The following KAZN variants were observed in gnomAD, a reference collection of about 807,000 sequenced individuals.
KAZN encodes kazrin.
KAZN carries 40 observed loss-of-function variants against 87.4 expected under a neutral mutation model. The observed-to-expected ratio is 0.46, with a 90% confidence interval of 0.36 to 0.60. The LOEUF (loss-of-function observed/expected upper bound fraction) is 0.60. KAZN is among the 20% of genes least tolerant of loss of function. KAZN has a pLI of 0.00. For missense variants in KAZN, 898 were observed against 1,073.9 expected (o/e 0.84, Z 2.29); for synonymous variants, 466 against 458.3 (o/e 1.02, Z -0.22).
At chr1:15,011,909 C>T (rs72639823) in intron 2 of KAZN, among the ~76,000 whole-genome samples, 1 of 152,038 alleles carries the variant, frequency 6.6e-6, no homozygotes, top group Non-Finnish European at 1.5e-5. Context: ...TCCAGAGCCT[C>T]CAAGCCCCCT....
intron 2 of KAZN, among the ~76,000 whole-genome samples, chr1:14,511,143 G>A (rs369694293): frequency 6.6e-6 from 1 of 152,094 alleles, no homozygotes; most frequent in East Asian, 1.9e-4. Flanking sequence ...TATGTTGCAT[G>A]TGATATTCAT....
intron 2 of KAZN, among the ~76,000 whole-genome samples, chr1:14,524,249 T>TGA (rs1671747617): frequency 6.6e-6 from 1 of 152,120 alleles, no homozygotes; most frequent in South Asian, 2.1e-4. Flanking sequence ...CTCAAACTCC[T>TGA]GACCTCAAGT....
At chr1:14,225,735 G>T (rs1021776151) in intron 2 of KAZN, among the ~76,000 whole-genome samples, 5 of 152,016 alleles carry the variant, frequency 3.3e-5, no homozygotes, top group Admixed American at 6.6e-5. Context: ...CCTTGATAAA[G>T]CCAATAATAA....
chr1:14,066,501 C>T (rs370339553), intron 1 of KAZN, among the ~76,000 whole-genome samples: 3 of 152,200 alleles, frequency 2.0e-5, no homozygotes, highest in South Asian at 2.1e-4. Flanking sequence ...TCTATGATGA[C>T]GGGACATGAC....
chr1:13,958,265 C>T (rs1641618953), intron 1 of KAZN, among the ~76,000 whole-genome samples: 1 of 152,072 alleles, frequency 6.6e-6, no homozygotes, highest in African/African-American at 2.4e-5. Context: ...TTCCTTAATT[C>T]CACTTCACTA....
chr1:14,230,075 T>C (rs1233000614), intron 2 of KAZN, among the ~76,000 whole-genome samples: 4 of 152,238 alleles, frequency 2.6e-5, no homozygotes, highest in Non-Finnish European at 4.4e-5. Context: ...ACACTAGAAA[T>C]GTGGCTTGCG....
At chr1:14,474,422 G>A (rs887335781) in intron 2 of KAZN, among the ~76,000 whole-genome samples, 10 of 152,152 alleles carry the variant, frequency 6.6e-5, no homozygotes, top group African/African-American at 2.4e-4. Context: ...TCTACATAAT[G>A]AGAAAGAAGG....
At chr1:15,063,693 C>G in intron 7 of KAZN, 71 bp downstream of exon 7, 2 of 1,254,268 alleles carry the variant, frequency 1.6e-6, no homozygotes, top group Non-Finnish European at 2.3e-6. Context: ...ACCCTCTGTT[C>G]CCCTGAGCCC....
intron 2 of KAZN, among the ~76,000 whole-genome samples, chr1:14,569,549 C>T (rs1250580491): frequency 6.6e-6 from 1 of 151,652 alleles, no homozygotes; most frequent in Non-Finnish European, 1.5e-5. Context: ...GTCTCGATCT[C>T]CTGACCTCAA....
intron 1 of KAZN, among the ~76,000 whole-genome samples, chr1:14,734,549 G>T (rs1194664058): frequency 6.6e-6 from 1 of 152,066 alleles, no homozygotes; most frequent in Non-Finnish European, 1.5e-5. Flanking sequence ...CCGACCTCAG[G>T]TGATACACCC....
chr1:14,453,709 C>A (rs773840213), intron 2 of KAZN, among the ~76,000 whole-genome samples: 5 of 152,030 alleles, frequency 3.3e-5, no homozygotes, highest in Non-Finnish European at 5.9e-5. Flanking sequence ...GGTGGCATGC[C>A]CCTGTAATCC....
At chr1:14,521,039 T>C (rs995772855) in intron 2 of KAZN, among the ~76,000 whole-genome samples, 3 of 152,092 alleles carry the variant, frequency 2.0e-5, no homozygotes, top group African/African-American at 7.2e-5. Context: ...ACCATCCGAG[T>C]ACTCCCCACT....
chr1:14,902,387 G>A (rs1395870108), intron 1 of KAZN, among the ~76,000 whole-genome samples: 4 of 151,922 alleles, frequency 2.6e-5, no homozygotes, highest in Admixed American at 6.6e-5. Flanking sequence ...CACCACACCC[G>A]GCTAATTTTT....
chr1:14,542,958 G>C (rs963653971), intron 2 of KAZN, among the ~76,000 whole-genome samples: 3 of 136,870 alleles, frequency 2.2e-5, no homozygotes, highest in African/African-American at 7.9e-5. Context: ...GTATGGAAAA[G>C]ATGGAAGGAA....
intron 6 of KAZN, 76 bp downstream of exon 6, chr1:15,060,378 G>A (rs1638689636): frequency 1.3e-6 from 2 of 1,577,938 alleles, no homozygotes; most frequent in African/African-American, 2.7e-5. Flanking sequence ...GCGGGGTGAA[G>A]CCATACTCGC....
rs112161575 is a variant in KAZN at position 14,344,830 on chromosome 1, A to AT, written c.249+164245dup. On this transcript the variant is annotated intron_variant, in intron 2 of 16. Transcript: ENST00000636203. Reference sequence around the variant, plus strand: ...ACTCCTACTAGGTTAAGGCAAAAAGATTTTTTTAACTCATGTAAATGAGAG... The same window carrying AT: ...ACTCCTACTAGGTTAAGGCAAAAAGATTTTTTTTAACTCATGTAAATGAGAG... Among the ~76,000 whole-genome samples, 1,000 of 152,174 alleles carry AT rather than the reference A, an allele frequency of 6.6e-3. 11 individuals are homozygous for AT. Among genetic ancestry groups the AT allele is most frequent in the African/African-American group, 0.023 (949 of 41,494 alleles).
intron 1 of KAZN, among the ~76,000 whole-genome samples, chr1:14,681,593 CTATATATATATGTATATGTGTATATATA>C (rs1557885431): frequency 1.1e-4 from 10 of 94,206 alleles, no homozygotes; most frequent in African/African-American, 4.4e-4. Context: ...GCCATTTTAA[CTATATATATATGTATATGTGTATATATA>C]TATATATATA....
rs556422284 is a variant in KAZN, at chr1:15,002,521, G to A, written c.419-32228G>A. On this transcript the variant is annotated intron_variant, in intron 2 of 14. Coordinates refer to ENST00000376030, the MANE Select transcript of KAZN (RefSeq NM_201628.3). ...CCGAGTTCTAAGCCTAGCTTGGCCA[G>A]TGACTCTCTGAATGACCTTGGGTGG... is the stretch of plus-strand genomic sequence containing the variant. Among the ~76,000 whole-genome samples, 3 of 152,308 alleles carry A rather than the reference G, an allele frequency of 2.0e-5. No individual in the cohort carries two copies. The South Asian group carries it at 6.2e-4, about 32-fold the overall frequency.
chr1:15,109,835 GTGT>G (rs1178425111), intron 13 of KAZN, among the ~76,000 whole-genome samples: 3 of 150,982 alleles, frequency 2.0e-5, no homozygotes, highest in African/African-American at 7.3e-5. Context: ...TGTGTATGTG[GTGT>G]TTGTGTATGT....
Sources: allele counts gnomAD v4.1 joint callset (sites outside exome capture counted in the v4.1 genomes callset), GRCh38; gene constraint gnomAD v4.1.1; transcripts MANE v1.5; gene names NCBI Gene and HGNC (gene_info 2026-07-23, HGNC 2026-07-21).